Variants in TSPAN9 observed in about 807,000 individuals in gnomAD.
The protein encoded by TSPAN9 is tetraspanin-9.
TSPAN9 carries 16 observed loss-of-function variants against 31.0 expected under a neutral mutation model. The observed-to-expected ratio is 0.52, with a 90% CI of 0.35 to 0.78. The LOEUF is 0.78. Among genes scored for constraint, TSPAN9 ranks in the 30% least tolerant of loss-of-function variants. The probability of loss-of-function intolerance (pLI) is 0.01; values close to 1 mark genes in which losing one functional copy is unlikely to be tolerated. For synonymous variants in TSPAN9, 145 were observed against 121.6 expected, an observed-to-expected ratio of 1.19 and a Z score of -1.27; for missense variants, 272 against 312.5, an observed-to-expected ratio of 0.87 and a Z score of 0.98.
chr12:3,160,512 C>T (rs560932155), intron 2 of TSPAN9, among the ~76,000 whole-genome samples: 8 of 152,280 alleles, frequency 5.3e-5, no homozygotes, highest in Admixed American at 1.3e-4. Context: ...GAGGAACCAC[C>T]GAACTGGTTT....
chr12:3,220,026 T>A (rs1279043682), intron 3 of TSPAN9, among the ~76,000 whole-genome samples: 1 of 151,708 alleles, frequency 6.6e-6, no homozygotes, highest in East Asian at 1.9e-4. Context: ...ATGCTTGTAG[T>A]CCCAGCTGCT....
intron 1 of TSPAN9, 147 bp downstream of exon 1, chr12:3,077,600 G>A (rs2098295723): frequency 6.6e-6 from 1 of 152,122 alleles, no homozygotes; most frequent in South Asian, 2.1e-4. Flanking sequence ...GGGAGGCAGT[G>A]TGGGCAGGGC....
intron 2 of TSPAN9, among the ~76,000 whole-genome samples, chr12:3,165,705 T>C (rs1317497385): frequency 2.0e-5 from 3 of 152,134 alleles, no homozygotes; most frequent in African/African-American, 7.2e-5. Flanking sequence ...GAGTGAGCTG[T>C]AGGCAGTCCG....
intron 2 of TSPAN9, among the ~76,000 whole-genome samples, chr12:3,101,848 C>T (rs777827380): frequency 7.9e-5 from 12 of 152,174 alleles, no homozygotes; most frequent in Non-Finnish European, 1.5e-4. Flanking sequence ...AGGCTCCCAG[C>T]GAAGCCTGGC....
intron 2 of TSPAN9, among the ~76,000 whole-genome samples, chr12:3,103,434 T>G (rs2098312749): frequency 6.9e-6 from 1 of 144,270 alleles, no homozygotes; most frequent in South Asian, 2.1e-4. Context: ...ATTGAACACT[T>G]CTGGTGTGCA....
intron 3 of TSPAN9, among the ~76,000 whole-genome samples, chr12:3,270,713 C>T (rs1235671652): frequency 6.6e-6 from 1 of 152,240 alleles, no homozygotes; most frequent in Non-Finnish European, 1.5e-5. Context: ...CACGCAGGGC[C>T]CTGACACCCC....
chr12:3,216,948 C>T (rs1415475725), intron 3 of TSPAN9, among the ~76,000 whole-genome samples: 1 of 152,218 alleles, frequency 6.6e-6, no homozygotes, highest in Non-Finnish European at 1.5e-5. Flanking sequence ...GCCCACTGTC[C>T]TGGGGGAAGC....
At chr12:3,235,751 C>T (rs1390230595) in intron 3 of TSPAN9, among the ~76,000 whole-genome samples, 2 of 152,236 alleles carry the variant, frequency 1.3e-5, no homozygotes. Context: ...TTGGTGCTTT[C>T]CCTGTGAGCT....
intron 2 of TSPAN9, among the ~76,000 whole-genome samples, chr12:3,177,820 CAAAG>C (rs1046850541): frequency 7.9e-5 from 12 of 152,216 alleles, no homozygotes; most frequent in African/African-American, 2.4e-4. Context: ...AACCAGGAAA[CAAAG>C]AAGTGAAATT....
At chr12:3,140,468 C>T (rs686955) in intron 2 of TSPAN9, among the ~76,000 whole-genome samples, 6,530 of 152,230 alleles carry the variant, frequency 0.043, 381 homozygotes, top group African/African-American at 0.14. Flanking sequence ...AAGCCTGGCA[C>T]TGGCCACGGA....
chr12:3,152,834 C>T (rs1378051806), intron 2 of TSPAN9, among the ~76,000 whole-genome samples: 3 of 152,190 alleles, frequency 2.0e-5, no homozygotes, highest in Non-Finnish European at 2.9e-5. Flanking sequence ...GTGATCCACC[C>T]GCCTTGGCCT....
At chr12:3,271,534 GA>G (rs201601883) in intron 3 of TSPAN9, among the ~76,000 whole-genome samples, 2,190 of 123,414 alleles carry the variant, frequency 0.018, 62 homozygotes, top group African/African-American at 0.063. Flanking sequence ...TGGCTGATTA[GA>G]GGTATGCAGA....
At chr12:3,261,323 C>A (rs891161066) in intron 3 of TSPAN9, among the ~76,000 whole-genome samples, 1 of 152,074 alleles carries the variant, frequency 6.6e-6, no homozygotes, top group East Asian at 1.9e-4. Context: ...TGGTAAGTAC[C>A]GTATGCATTT....
chr12:3,234,567 C>G (rs569947665), intron 3 of TSPAN9, among the ~76,000 whole-genome samples: 1 of 152,298 alleles, frequency 6.6e-6, no homozygotes, highest in African/African-American at 2.4e-5. Flanking sequence ...ATCCCAAGAG[C>G]TGTATTTCTG....
At chr12:3,145,817 A>G (rs1242124270) in intron 2 of TSPAN9, among the ~76,000 whole-genome samples, 5 of 152,366 alleles carry the variant, frequency 3.3e-5, no homozygotes, top group African/African-American at 1.2e-4. Flanking sequence ...GAAATCGGAA[A>G]TGAAAGGCCT....
chr12:3,089,299 A>ATT (rs71057897), intron 2 of TSPAN9, among the ~76,000 whole-genome samples: 84,670 of 128,618 alleles, frequency 0.66, 28,529 homozygotes, highest in Non-Finnish European at 0.72. Context: ...TTCAAGGTGA[A>ATT]TTTTTTTTTT....
rs1481631270 is a variant in TSPAN9 at position 3,286,413 on chromosome 12, A to C, written c.*3297A>C. 6.6e-6 allele frequency: 1 copy of C among 152,576 alleles called. No homozygotes were observed. Among genetic ancestry groups the C allele is most frequent in the Non-Finnish European group, 1.5e-5 (1 of 68,074 alleles). The allele number at this position is 152,576 out of a possible 1,614,324, so 9.5% of individuals were successfully genotyped here. A position where few individuals can be genotyped will look rare whatever the true frequency, so the allele number is the denominator to read the frequency against. On this transcript the variant is annotated 3_prime_UTR_variant, in exon 9 of 9. Coordinates refer to ENST00000011898, the MANE Select transcript of TSPAN9 (RefSeq NM_006675.5). This position sits in a 1 kb window ranked among gnomAD's most constrained non-coding sequence, Gnocchi z 4.1. ...CCTGCCCCCGGGCAGCACGGGAGGGAGAGCAGGGTGAGCACGCTTGTTGGT... is the reference window on the plus strand; with the variant it reads ...CCTGCCCCCGGGCAGCACGGGAGGGCGAGCAGGGTGAGCACGCTTGTTGGT...
intron 2 of TSPAN9, among the ~76,000 whole-genome samples, chr12:3,156,772 T>C (rs886254821): frequency 6.6e-5 from 10 of 151,964 alleles, no homozygotes; most frequent in Admixed American, 6.5e-4. Context: ...CCTCCCAAAG[T>C]GCTGGGATTA....
At chr12:3,264,633 C>A (rs1862509719) in intron 3 of TSPAN9, among the ~76,000 whole-genome samples, 1 of 152,176 alleles carries the variant, frequency 6.6e-6, no homozygotes, top group African/African-American at 2.4e-5. Context: ...AGTGGCAGGA[C>A]CTCCCTGCCT....
Sources: allele counts gnomAD v4.1 joint callset (sites outside exome capture counted in the v4.1 genomes callset), GRCh38; gene constraint gnomAD v4.1.1; non-coding constraint Gnocchi (gnomAD v3.1); transcripts MANE v1.5; gene names NCBI Gene and HGNC (gene_info 2026-07-23, HGNC 2026-07-21).